The following PCDHA10 variants were observed in gnomAD, a reference collection of about 807,000 sequenced individuals.
PCDHA10 encodes protocadherin alpha 10, also known as protocadherin alpha-10.
A neutral mutation model predicts 61.2 loss-of-function variants in PCDHA10; 45 were observed. The ratio of observed to expected loss-of-function variants is 0.74; its 90% CI spans 0.58 to 0.94. The LOEUF (loss-of-function observed/expected upper bound fraction) is 0.94. Ranked by LOEUF, PCDHA10 falls within the 40% of genes least tolerant of loss-of-function variation. The probability of loss-of-function intolerance (pLI) is 0.00; values close to 1 mark genes in which losing one functional copy is unlikely to be tolerated. For missense variants in PCDHA10, 1,278 were observed against 1,236.2 expected (o/e 1.03, Z -0.51); for synonymous variants, 602 against 548.8 (o/e 1.10, Z -1.35).
intron 1 of PCDHA10, among the ~76,000 whole-genome samples, chr5:140,943,064 C>T (rs1352675515): frequency 1.3e-5 from 2 of 151,818 alleles, no homozygotes; most frequent in African/African-American, 4.8e-5. Context: ...CAAGAACAGC[C>T]TGACCAACAT....
chr5:140,930,925 G>T (rs1271801364), intron 1 of PCDHA10, among the ~76,000 whole-genome samples: 7 of 152,158 alleles, frequency 4.6e-5, no homozygotes, highest in Admixed American at 4.6e-4. Flanking sequence ...ATGTGTATAT[G>T]TGGTTAACAG....
At chr5:140,927,306 G>A (rs782091835) in intron 1 of PCDHA10, 1 of 1,614,158 alleles carries the variant, frequency 6.2e-7, no homozygotes, top group Admixed American at 1.7e-5. Flanking sequence ...AGTTCCTGAC[G>A]CCCGGAGCCC....
intron 1 of PCDHA10, among the ~76,000 whole-genome samples, chr5:140,932,017 G>GT (rs1385498128): frequency 2.6e-5 from 4 of 151,792 alleles, no homozygotes; most frequent in African/African-American, 9.7e-5. Context: ...TTAGTTTACG[G>GT]TAAGTTTACA....
At chr5:140,998,968 T>A (rs2097841777) in intron 3 of PCDHA10, among the ~76,000 whole-genome samples, 1 of 152,238 alleles carries the variant, frequency 6.6e-6, no homozygotes, top group Non-Finnish European at 1.5e-5. Context: ...TCAAATAGTA[T>A]CCTAGAAAAT....
intron 1 of PCDHA10, among the ~76,000 whole-genome samples, chr5:140,925,170 A>G (rs2153576816): frequency 6.6e-6 from 1 of 152,194 alleles, no homozygotes; most frequent in East Asian, 1.9e-4. Flanking sequence ...TGTGTAATTG[A>G]CCCCAATGTA....
In PCDHA10 at chr5:140,998,188, AG is replaced by A. The variant is rs375338994; in HGVS notation, c.2537-11438del. On this transcript the variant is annotated intron_variant, in intron 3 of 3. Transcript: ENST00000307360. ...CAAGTATTATTCTAAGCACTTTACAAGTATTAACTCCTTTAATCTGTATAAC... is the reference window on the plus strand; with the variant it reads ...CAAGTATTATTCTAAGCACTTTACAATATTAACTCCTTTAATCTGTATAAC... Among the ~76,000 whole-genome samples, 972 of 152,318 alleles carry A rather than the reference AG, an allele frequency of 6.4e-3. 14 individuals are homozygous for A. Among genetic ancestry groups the A allele is most frequent in the African/African-American group, 0.023 (946 of 41,556 alleles).
Position 140,856,456 on chromosome 5 carries a change from A to T in PCDHA10, c.408A>T (p.Glu136Asp). 1 of 1,598,478 alleles carries T rather than the reference A, an allele frequency of 6.3e-7. No individual in the cohort carries two copies. Among genetic ancestry groups the T allele is most frequent in the Non-Finnish European group, 8.6e-7 (1 of 1,167,940 alleles). The stretch of plus-strand genomic sequence containing the variant: ...ACCCGCCCAGGTTCTCCGTAACAGA[A>T]CAAAAGCTCTCAATACCTGAATCCA... ...NDNPPRFSVTEQKLSIPESRL... is the reference protein window; with the variant it reads ...NDNPPRFSVTDQKLSIPESRL... Residue 136 changes from glutamate (E) to aspartate (D), a missense_variant, in exon 1 of 4, where the codon GAA becomes GAT. By Grantham distance (45) the Glu-to-Asp change is conservative. Transcript: ENST00000307360.
chr5:140,952,512 C>T (rs1381568463), intron 1 of PCDHA10, among the ~76,000 whole-genome samples: 1 of 152,124 alleles, frequency 6.6e-6, no homozygotes, highest in Non-Finnish European at 1.5e-5. Flanking sequence ...TCCTCATCTC[C>T]ATCTGAGACC....
chr5:141,010,506 C>A lies in PCDHA10; in HGVS notation c.*569C>A. ...CTTAAAGGGACCAGACTTTCTAAAT[C>A]TTACAACTCAAGAGGTGGCAGCCAC... is the stretch of plus-strand genomic sequence containing the variant. On this transcript the variant is annotated 3_prime_UTR_variant, in exon 4 of 4. Transcript: ENST00000307360. 1 of 549,534 alleles carries A rather than the reference C, an allele frequency of 1.8e-6. No homozygotes were observed. The highest frequency in any genetic ancestry group is 2.9e-6 in the Non-Finnish European group (1 of 344,162). 34.0% of individuals were successfully genotyped at this position (549,534 alleles called of 1,614,324 possible). A position where few individuals can be genotyped will look rare whatever the true frequency, so the allele number is the denominator to read the frequency against.
chr5:140,980,412 A>G (rs1264059417), intron 2 of PCDHA10, among the ~76,000 whole-genome samples: 4 of 152,302 alleles, frequency 2.6e-5, no homozygotes, highest in Non-Finnish European at 5.9e-5. Flanking sequence ...TGGGCAGATC[A>G]TGAGGTCAAG....
At chr5:140,926,788 G>A in intron 1 of PCDHA10, 26 of 1,427,398 alleles carry the variant, frequency 1.8e-5, no homozygotes, top group Non-Finnish European at 2.4e-5. Flanking sequence ...ACGGCCGGCA[G>A]GAGCGTGCTC....
At chr5:140,943,630 T>C (rs1224015760) in intron 1 of PCDHA10, among the ~76,000 whole-genome samples, 1 of 152,130 alleles carries the variant, frequency 6.6e-6, no homozygotes, top group Non-Finnish European at 1.5e-5. Flanking sequence ...ATAAGGAAGC[T>C]GGATTATGGA....
At chr5:141,001,683 C>T (rs1042436989) in intron 3 of PCDHA10, among the ~76,000 whole-genome samples, 1 of 152,030 alleles carries the variant, frequency 6.6e-6, no homozygotes, top group Non-Finnish European at 1.5e-5. Flanking sequence ...TCCAACAAAC[C>T]CCACAGATGG....
At chr5:141,005,529 C>A (rs1387576846) in intron 3 of PCDHA10, among the ~76,000 whole-genome samples, 2 of 151,154 alleles carry the variant, frequency 1.3e-5, no homozygotes, top group Non-Finnish European at 2.9e-5. Context: ...CGGTGAAACC[C>A]CGTCTCTACT....
intron 1 of PCDHA10, among the ~76,000 whole-genome samples, chr5:140,944,593 TG>T: frequency 6.6e-6 from 1 of 152,318 alleles, no homozygotes; most frequent in South Asian, 2.1e-4. Flanking sequence ...AGAATTTCCC[TG>T]GGTAGAGTAG....
At chr5:140,938,187 C>A (rs1584944424) in intron 1 of PCDHA10, among the ~76,000 whole-genome samples, 1 of 152,276 alleles carries the variant, frequency 6.6e-6, no homozygotes, top group Non-Finnish European at 1.5e-5. Context: ...CTCAAGCAAT[C>A]CTCCCACGCC....
chr5:140,895,838 TCTCA>T (rs1554186667), intron 1 of PCDHA10, among the ~76,000 whole-genome samples: 2 of 152,136 alleles, frequency 1.3e-5, no homozygotes, highest in Admixed American at 1.3e-4. Context: ...TCAGACAAAG[TCTCA>T]CTCTTGTACC....
intron 1 of PCDHA10, among the ~76,000 whole-genome samples, chr5:140,950,995 C>T (rs1554219713): frequency 6.6e-6 from 1 of 151,856 alleles, no homozygotes; most frequent in Non-Finnish European, 1.5e-5. Flanking sequence ...TCTTTTAGCT[C>T]CATTTTTCCC....
intron 1 of PCDHA10, among the ~76,000 whole-genome samples, chr5:140,946,635 A>G (rs2094003182): frequency 1.6e-5 from 1 of 62,812 alleles, no homozygotes; most frequent in Admixed American, 1.5e-4. Flanking sequence ...TATATATACA[A>G]TGGAATACTC....
Sources: gnomAD v4.1 joint callset for allele counts (sites outside exome capture counted in the v4.1 genomes callset) on GRCh38, gnomAD v4.1.1 for gene constraint, MANE v1.5 for transcripts, NCBI Gene and HGNC (gene_info 2026-07-23, HGNC 2026-07-21) for gene names.